Variants in CDH18 observed in about 807,000 individuals in gnomAD.
CDH18 encodes the protein cadherin-18.
CDH18 carries 31 observed loss-of-function variants against 67.9 expected under a neutral mutation model. That is an observed-to-expected ratio of 0.46 (90% CI 0.34 to 0.62). The LOEUF (loss-of-function observed/expected upper bound fraction) is 0.62, where lower values mean the gene tolerates loss of function less well. CDH18 is among the 20% of genes least tolerant of loss of function. The pLI is 0.01. For missense variants in CDH18, 890 were observed against 975.5 expected, an observed-to-expected ratio of 0.91 and a Z score of 1.17; for synonymous variants, 362 against 347.2, an observed-to-expected ratio of 1.04 and a Z score of -0.48.
At chr5:20,396,424 T>C (rs1172458783) in intron 1 of CDH18, among the ~76,000 whole-genome samples, 8 of 149,154 alleles carry the variant, frequency 5.4e-5, no homozygotes, top group Non-Finnish European at 1.0e-4. Context: ...AAAAAATCAC[T>C]TTCCACATAT....
intron 3 of CDH18, among the ~76,000 whole-genome samples, chr5:19,826,176 A>C (rs1298262651): frequency 1.3e-5 from 2 of 152,176 alleles, no homozygotes; most frequent in East Asian, 3.9e-4. Context: ...ATGAAAAATA[A>C]AGAAAAAGCA....
intron 1 of CDH18, among the ~76,000 whole-genome samples, chr5:20,437,409 A>C (rs1188708275): frequency 6.6e-6 from 1 of 151,400 alleles, no homozygotes; most frequent in African/African-American, 2.4e-5. Flanking sequence ...AAATTATTTC[A>C]TGATCTAAGA....
intron 5 of CDH18, among the ~76,000 whole-genome samples, chr5:19,666,980 T>C (rs986718093): frequency 4.6e-5 from 7 of 152,136 alleles, no homozygotes; most frequent in South Asian, 2.1e-4. Flanking sequence ...CTTTAAATTA[T>C]GGTGAGAATT....
intron 1 of CDH18, among the ~76,000 whole-genome samples, chr5:20,435,538 C>T (rs1460069765): frequency 6.6e-6 from 1 of 151,928 alleles, no homozygotes; most frequent in Non-Finnish European, 1.5e-5. Flanking sequence ...GCAGGTCCTA[C>T]ATCTGATATT....
At chr5:20,513,104 G>A (rs891949189) in intron 1 of CDH18, among the ~76,000 whole-genome samples, 2 of 151,982 alleles carry the variant, frequency 1.3e-5, no homozygotes, top group African/African-American at 2.4e-5. Context: ...ATGAATGAAG[G>A]CCATAGATAT....
chr5:19,950,348 T>C (rs1208047754), intron 2 of CDH18, among the ~76,000 whole-genome samples: 1 of 151,916 alleles, frequency 6.6e-6, no homozygotes, highest in Non-Finnish European at 1.5e-5. Flanking sequence ...AAGAATGATA[T>C]AATGGACTTT....
Position 19,511,787 on chromosome 5 carries a change from G to T in CDH18, c.1513-8678C>A, listed in dbSNP as rs145865549. On this transcript the variant is annotated intron_variant, in intron 10 of 12. Transcript: ENST00000382275. The stretch of plus-strand genomic sequence containing the variant: ...GAATTTGGAACTTAGGTTTTAAAGG[G>T]AAGCAGAGCATAAAAGTTTGGAAAA... Among the ~76,000 whole-genome samples, 194 of 152,254 alleles carry T rather than the reference G, an allele frequency of 1.3e-3. 2 individuals carry two copies. Among genetic ancestry groups the T allele is most frequent in the African/African-American group, 4.5e-3 (186 of 41,556 alleles).
intron 2 of CDH18, chr5:19,848,304 T>C (rs761174689): frequency 3.9e-5 from 6 of 152,106 alleles, no homozygotes; most frequent in Non-Finnish European, 5.9e-5. Flanking sequence ...CCTTCCTTAA[T>C]AGGTGTGAAA....
chr5:20,243,137 C>T (rs1743116453), intron 2 of CDH18, among the ~76,000 whole-genome samples: 1 of 152,078 alleles, frequency 6.6e-6, no homozygotes, highest in South Asian at 2.1e-4. Context: ...CTAAGGTCTT[C>T]CTGGGTGTAG....
rs1379692408 is a variant in CDH18, at chr5:19,793,759, T to C, written c.228+45000A>G. Among the ~76,000 whole-genome samples the C allele has an allele frequency of 3.3e-5, 5 of 151,952 alleles. No homozygotes were observed. In the South Asian group the frequency reaches 1.0e-3, roughly 32 times the overall value. ...GTCCTCGTACTGTACTCCTGAAAGG[T>C]AAGAGAGGATCTGAGAATAAGGGGT... On this transcript the variant is annotated intron_variant, in intron 3 of 12. Transcript: ENST00000382275.
chr5:19,482,334 T>C (rs971222658), intron 12 of CDH18, among the ~76,000 whole-genome samples: 1 of 152,060 alleles, frequency 6.6e-6, no homozygotes, highest in Admixed American at 6.6e-5. Context: ...GCCAGGATAG[T>C]CTCGATCTCC....
Position 20,361,636 on chromosome 5 carries a change from G to A in CDH18, c.-579-106131C>T, listed in dbSNP as rs950152604. On this transcript the variant is annotated intron_variant, in intron 1 of 14. Coordinates refer to the CDH18 transcript ENST00000507958. ...CTAGTATATTACCCTCATGAAACTG[G>A]CTGATAAACTGGGGAGTTATACTGG... Among the ~76,000 whole-genome samples the A allele has an allele frequency of 3.3e-5, 5 of 152,070 alleles. No homozygotes were observed. The South Asian group carries it at 6.2e-4, about 19-fold the overall frequency.
At chr5:20,457,045 C>T (rs1314279832) in intron 1 of CDH18, among the ~76,000 whole-genome samples, 6 of 152,092 alleles carry the variant, frequency 3.9e-5, no homozygotes, top group Admixed American at 3.9e-4. Context: ...AAGAAGATGG[C>T]TGTTTTAAGA....
chr5:20,381,586 T>G (rs1047951444), intron 1 of CDH18, among the ~76,000 whole-genome samples: 1 of 152,196 alleles, frequency 6.6e-6, no homozygotes, highest in Admixed American at 6.5e-5. Flanking sequence ...TGATTTTAAC[T>G]TGCTTTTCTG....
At chr5:19,765,808 G>T (rs1225861717) in intron 3 of CDH18, among the ~76,000 whole-genome samples, 1 of 151,984 alleles carries the variant, frequency 6.6e-6, no homozygotes, top group Non-Finnish European at 1.5e-5. Context: ...TAAAAATCCT[G>T]CAAAGTCTGC....
At chr5:19,602,460 AAC>A (rs143426499) in intron 6 of CDH18, among the ~76,000 whole-genome samples, 28 of 150,512 alleles carry the variant, frequency 1.9e-4, no homozygotes, top group Non-Finnish European at 2.5e-4. Context: ...AACACTGCAA[AAC>A]ACACACACAC....
intron 1 of CDH18, among the ~76,000 whole-genome samples, chr5:20,302,760 G>C (rs751923115): frequency 6.6e-6 from 1 of 152,282 alleles, no homozygotes; most frequent in Non-Finnish European, 1.5e-5. Flanking sequence ...ACACACACAC[G>C]TGAGCCCTTG....
At chr5:19,571,103 A>T (rs972238098) in intron 8 of CDH18, among the ~76,000 whole-genome samples, 2 of 152,202 alleles carry the variant, frequency 1.3e-5, no homozygotes, top group African/African-American at 4.8e-5. Flanking sequence ...ATGCATCCTC[A>T]CGATAGCTCT....
At chr5:19,900,075 G>A (rs1421736172) in intron 2 of CDH18, among the ~76,000 whole-genome samples, 4 of 152,104 alleles carry the variant, frequency 2.6e-5, no homozygotes, top group Admixed American at 2.6e-4. Context: ...GGTAAGGGTA[G>A]AATTATGTAG....
Sources: gnomAD v4.1 joint callset for allele counts (sites outside exome capture counted in the v4.1 genomes callset) on GRCh38, gnomAD v4.1.1 for gene constraint, MANE v1.5 for transcripts, NCBI Gene and HGNC (gene_info 2026-07-23, HGNC 2026-07-21) for gene names.